Variants in GRIK4 observed in about 807,000 individuals in gnomAD.
The protein encoded by GRIK4 is glutamate ionotropic receptor kainate type subunit 4, also known as glutamate receptor ionotropic, kainate 4.
Under a neutral mutation model 104.9 loss-of-function variants are expected in GRIK4, and 40 were observed. The ratio of observed to expected loss-of-function variants is 0.38; its 90% CI spans 0.30 to 0.50. GRIK4 has a LOEUF of 0.50. Among genes scored for constraint, GRIK4 ranks in the 20% least tolerant of loss-of-function variants. GRIK4 has a pLI of 0.93. For synonymous variants in GRIK4, 485 were observed against 524.9 expected, an observed-to-expected ratio of 0.92 and a Z score of 1.04; for missense variants, 1,047 against 1,308.1, an observed-to-expected ratio of 0.80 and a Z score of 3.08.
chr11:120,770,970 G>A lies in GRIK4; in HGVS notation c.83-31723G>A, dbSNP rs142779536. Among the ~76,000 whole-genome samples the A allele has an allele frequency of 2.0e-3, 308 of 152,286 alleles. 3 individuals are homozygous for A. The highest frequency in any genetic ancestry group is 7.2e-3 in the African/African-American group (298 of 41,554). ...TAAGTCACCTAGTTTATGGTATTTT[G>A]TTATAGCAGCCCAAATGGACTGTAA... On this transcript the variant is annotated intron_variant, in intron 3 of 20. Coordinates refer to ENST00000527524, the MANE Select transcript of GRIK4 (RefSeq NM_014619.5).
At chr11:120,712,814 G>T (rs771308231) in intron 3 of GRIK4, among the ~76,000 whole-genome samples, 11 of 152,106 alleles carry the variant, frequency 7.2e-5, no homozygotes, top group East Asian at 1.9e-4. Flanking sequence ...TACACTTGAA[G>T]TTAGCAACCA....
At chr11:120,691,984 T>C (rs183638972) in intron 3 of GRIK4, among the ~76,000 whole-genome samples, 3 of 152,324 alleles carry the variant, frequency 2.0e-5, no homozygotes, top group Admixed American at 2.0e-4. Context: ...CGGTGAGCAA[T>C]ACCCTCCTAT....
intron 11 of GRIK4, among the ~76,000 whole-genome samples, chr11:120,884,869 G>A (rs1026284974): frequency 1.3e-5 from 2 of 152,260 alleles, no homozygotes; most frequent in African/African-American, 2.4e-5. Flanking sequence ...TCAGGCCATC[G>A]CAGAAAGCTC....
intron 8 of GRIK4, among the ~76,000 whole-genome samples, chr11:120,861,181 T>G (rs1007809438): frequency 7.1e-6 from 1 of 141,148 alleles, no homozygotes; most frequent in African/African-American, 2.6e-5. Context: ...CAATCTCGGC[T>G]CACTGCAACC....
chr11:120,596,704 A>C (rs1230576512), intron 1 of GRIK4, among the ~76,000 whole-genome samples: 1 of 151,662 alleles, frequency 6.6e-6, no homozygotes, highest in Non-Finnish European at 1.5e-5. Context: ...GGGTCTGAGA[A>C]GGGGCTTCAG....
intron 8 of GRIK4, chr11:120,858,104 G>A (rs1454596173): frequency 6.6e-6 from 1 of 152,156 alleles, no homozygotes; most frequent in African/African-American, 2.4e-5. Context: ...GAGGATCAAG[G>A]TCCCCATGAG....
In GRIK4 at chr11:120,982,214, A is replaced by C; in HGVS notation, c.2504A>C (p.Glu835Ala). 1 of 1,576,554 alleles carries C rather than the reference A, an allele frequency of 6.3e-7. No homozygotes were observed. The highest frequency in any genetic ancestry group is 8.7e-7 in the Non-Finnish European group (1 of 1,145,806). ...LEFLWTLRHS[E>A]ATEVSVCQEM... ...TTTTTATGGACTCTCAGACACTCAG[A>C]AGCAACTGAGGTAAACTTTCAAAGG... Residue 835 changes from glutamate to alanine, a missense_variant, in exon 20 of 21, where the codon GAA becomes GCA. By Grantham distance (107) the Glu-to-Ala change is moderately radical. Around this residue, in one of 3 missense-constraint regions of GRIK4, gnomAD observed 440 missense variants for 652.3 expected, o/e 0.67. Coordinates refer to ENST00000527524, the MANE Select transcript of GRIK4 (RefSeq NM_014619.5).
chr11:120,784,228 C>G (rs1952218182), intron 3 of GRIK4, among the ~76,000 whole-genome samples: 1 of 152,192 alleles, frequency 6.6e-6, no homozygotes, highest in African/African-American at 2.4e-5. Flanking sequence ...CTCGGAACCC[C>G]CGTGTCCTCC....
intron 16 of GRIK4, among the ~76,000 whole-genome samples, chr11:120,959,160 G>A (rs1216658411): frequency 6.6e-6 from 1 of 152,196 alleles, no homozygotes; most frequent in Admixed American, 6.5e-5. Flanking sequence ...TCCAGCAATA[G>A]GCAGAGCAGG....
intron 3 of GRIK4, among the ~76,000 whole-genome samples, chr11:120,753,394 G>A (rs1951596311): frequency 6.6e-6 from 1 of 150,966 alleles, no homozygotes; most frequent in Admixed American, 6.6e-5. Context: ...AATCAAACAG[G>A]TCAGGAGAGA....
At chr11:120,742,526 AT>A (rs138311151) in intron 3 of GRIK4, among the ~76,000 whole-genome samples, 3 of 146,266 alleles carry the variant, frequency 2.1e-5, no homozygotes, top group Admixed American at 6.8e-5. Context: ...TATTATTATT[AT>A]TTTTTTTTGA....
intron 3 of GRIK4, among the ~76,000 whole-genome samples, chr11:120,713,310 C>T (rs1218961998): frequency 6.6e-6 from 1 of 152,142 alleles, no homozygotes; most frequent in Non-Finnish European, 1.5e-5. Flanking sequence ...ATGCTAAGCA[C>T]ACCCCCTCCC....
chr11:120,767,904 T>A (rs1257075044), intron 3 of GRIK4, among the ~76,000 whole-genome samples: 1 of 152,202 alleles, frequency 6.6e-6, no homozygotes, highest in Non-Finnish European at 1.5e-5. Context: ...TCCATTGGTC[T>A]GTGTTTCTGT....
intron 18 of GRIK4, among the ~76,000 whole-genome samples, chr11:120,963,636 T>C (rs1392163292): frequency 1.3e-5 from 2 of 152,220 alleles, no homozygotes; most frequent in Non-Finnish European, 2.9e-5. Context: ...TGCTCATCTT[T>C]GTAGTTACAG....
At chr11:120,680,345 TCCCTA>T (rs112230381) in intron 3 of GRIK4, among the ~76,000 whole-genome samples, 69,365 of 151,690 alleles carry the variant, frequency 0.46, 16,177 homozygotes, top group East Asian at 0.55. Flanking sequence ...CCCTAAGTGC[TCCCTA>T]AGTATTACAG....
chr11:120,860,251 G>A (rs1433632395), intron 8 of GRIK4, among the ~76,000 whole-genome samples: 4 of 152,188 alleles, frequency 2.6e-5, no homozygotes, highest in African/African-American at 9.7e-5. Flanking sequence ...GTGGCCTGAC[G>A]CACATTTGAA....
intron 4 of GRIK4, among the ~76,000 whole-genome samples, chr11:120,807,868 T>G (rs1427714898): frequency 1.3e-5 from 2 of 152,148 alleles, no homozygotes; most frequent in Non-Finnish European, 2.9e-5. Flanking sequence ...CTCCAGGAAG[T>G]TCAGATGTAC....
chr11:120,948,436 G>T (rs540162750), intron 14 of GRIK4, among the ~76,000 whole-genome samples: 3 of 152,182 alleles, frequency 2.0e-5, no homozygotes, highest in South Asian at 4.1e-4. Flanking sequence ...CCTGCAACGT[G>T]TCTGGTCCAC....
At chr11:120,756,703 CAG>C (rs1272200505) in intron 3 of GRIK4, among the ~76,000 whole-genome samples, 1 of 152,184 alleles carries the variant, frequency 6.6e-6, no homozygotes, top group African/African-American at 2.4e-5. Context: ...ATAGGGGACA[CAG>C]AGCTCAGATC....
Sources: gnomAD v4.1 joint callset for allele counts (sites outside exome capture counted in the v4.1 genomes callset) on GRCh38, gnomAD v4.1.1 for gene constraint, gnomAD v4.1.1 regional missense constraint, MANE v1.5 for transcripts, NCBI Gene and HGNC (gene_info 2026-07-23, HGNC 2026-07-21) for gene names.